SLC25A33: variants seen among roughly 807,000 people sequenced by gnomAD.
SLC25A33 encodes bone marrow stromal cell mitochondrial carrier protein.
SLC25A33 carries 15 observed loss-of-function variants against 35.5 expected under a neutral mutation model. The observed-to-expected ratio is 0.42, with a 90% CI of 0.28 to 0.65. The LOEUF (loss-of-function observed/expected upper bound fraction) is 0.65, where lower values mean the gene tolerates loss of function less well. Ranked by LOEUF, SLC25A33 falls within the 30% of genes least tolerant of loss-of-function variation. SLC25A33 has a pLI of 0.20. For missense variants in SLC25A33, 257 were observed against 398.5 expected (o/e 0.64, Z 3.02); for synonymous variants, 136 against 148.7 (o/e 0.91, Z 0.62).
At chr1:9,549,996 CATATAT>C (rs1314749490) in intron 1 of SLC25A33, among the ~76,000 whole-genome samples, 2 of 72,064 alleles carry the variant, frequency 2.8e-5, no homozygotes, top group African/African-American at 6.8e-5. Context: ...TTTTTCTATA[CATATAT>C]ATATATATAT....
At chr1:9,554,758 A>G (rs1340403164) in intron 2 of SLC25A33, among the ~76,000 whole-genome samples, 1 of 152,182 alleles carries the variant, frequency 6.6e-6, no homozygotes, top group Non-Finnish European at 1.5e-5. Context: ...CTACCTGCCC[A>G]TTTTATTATT....
chr1:9,573,511 T>G, intron 5 of SLC25A33, 99 bp downstream of exon 5: 1 of 961,496 alleles, frequency 1.0e-6, no homozygotes, highest in Non-Finnish European at 1.6e-6. Context: ...TATAGAGATG[T>G]ACCCCCCTCC....
rs1643745804 is a variant in SLC25A33 at position 9,581,622 on chromosome 1, A to G, written c.764-677A>G. ...CAGGTGCCTGTAATCCCAGCTACTC[A>G]GGAGGCTGAGGCAGGAGAATCACTT... is the stretch of plus-strand genomic sequence containing the variant. On this transcript the variant is annotated intron_variant, in intron 6 of 6. Coordinates refer to ENST00000302692, the MANE Select transcript of SLC25A33 (RefSeq NM_032315.3). Among the ~76,000 whole-genome samples the G allele has an allele frequency of 2.0e-5, 3 of 151,672 alleles. 1 individual carries two copies. In the South Asian group the frequency reaches 6.2e-4, roughly 32 times the overall value.
In SLC25A33 at chr1:9,551,413, C is replaced by T. The variant is rs114318484; in HGVS notation, c.57-2213C>T. 8.7e-3 allele frequency among the ~76,000 whole-genome samples: 1,327 copies of T among 152,250 alleles called. 17 individuals carry two copies. Among genetic ancestry groups the T allele is most frequent in the African/African-American group, 0.03 (1,261 of 41,536 alleles). ...AAATAAATAAAATAAAATAATCCCT[C>T]ATGGGGATTTTACTTCATTCGTTAC... On this transcript the variant is annotated intron_variant, in intron 1 of 6. Transcript: ENST00000302692.
intron 3 of SLC25A33, among the ~76,000 whole-genome samples, chr1:9,568,399 A>G (rs1643540596): frequency 6.6e-6 from 1 of 151,874 alleles, no homozygotes; most frequent in South Asian, 2.1e-4. Flanking sequence ...AGCTGAGATC[A>G]TGCCGCTTCA....
intron 1 of SLC25A33, 60 bp downstream of exon 1, chr1:9,539,807 C>T: frequency 7.9e-7 from 1 of 1,264,844 alleles, no homozygotes; most frequent in South Asian, 2.6e-5. Flanking sequence ...GGCCTTCGCC[C>T]CGGGCGCGGC....
intron 6 of SLC25A33, 27 bp downstream of exon 6, chr1:9,580,261 G>C (rs774381676): frequency 6.2e-7 from 1 of 1,603,224 alleles, no homozygotes; most frequent in South Asian, 1.1e-5. Context: ...TTCTTCCAGA[G>C]CAGTAAAACA....
In SLC25A33 at chr1:9,555,537, A is replaced by C. The variant is rs191984019; in HGVS notation, c.236+1732A>C. On this transcript the variant is annotated intron_variant, in intron 2 of 6. Transcript: ENST00000302692. ...TATGAGTCACTGGGGCATTCATGCC[A>C]AATGTGTGCAAAGGTACATCTGAGC... Among the ~76,000 whole-genome samples the C allele has an allele frequency of 7.9e-5, 12 of 152,280 alleles. No individual in the cohort carries two copies. The East Asian group carries it at 2.1e-3, about 27-fold the overall frequency.
chr1:9,540,473 G>A (rs576486577), intron 1 of SLC25A33, among the ~76,000 whole-genome samples: 2 of 152,174 alleles, frequency 1.3e-5, no homozygotes, highest in East Asian at 1.9e-4. Context: ...GCATTTTTAG[G>A]AGGTTGAGTT....
At chr1:9,562,919 C>CTTTTT (rs370570053) in intron 2 of SLC25A33, among the ~76,000 whole-genome samples, 2 of 126,746 alleles carry the variant, frequency 1.6e-5, no homozygotes, top group Non-Finnish European at 3.3e-5. Context: ...AAAATAATAG[C>CTTTTT]TTTTTTTTTT....
chr1:9,579,896 G>A lies in SLC25A33; in HGVS notation c.483-58G>A, dbSNP rs558073271. 170 of 1,557,950 alleles carry A rather than the reference G, an allele frequency of 1.1e-4. 1 individual carries two copies. In the African/African-American group the frequency reaches 2.1e-3, roughly 19 times the overall value. ...CGTACCTGTTCTCCTACTGTGTGATGTCTGTGTTCCACCATGATATGTCTC... is the reference window on the plus strand; with the variant it reads ...CGTACCTGTTCTCCTACTGTGTGATATCTGTGTTCCACCATGATATGTCTC... On this transcript the variant is annotated intron_variant, in intron 5 of 6. Transcript: ENST00000302692.
intron 2 of SLC25A33, among the ~76,000 whole-genome samples, chr1:9,560,919 GT>G (rs1382697486): frequency 1.3e-5 from 2 of 149,870 alleles, no homozygotes; most frequent in African/African-American, 2.5e-5. Flanking sequence ...TTCCAGCAAA[GT>G]TCTTACTATT....
chr1:9,571,591 G>A (rs995465501), intron 4 of SLC25A33, among the ~76,000 whole-genome samples: 1 of 151,524 alleles, frequency 6.6e-6, no homozygotes, highest in African/African-American at 2.4e-5. Flanking sequence ...AGGCTCTTTT[G>A]TATAGAGTTC....
intron 2 of SLC25A33, among the ~76,000 whole-genome samples, chr1:9,559,265 A>G (rs1257507053): frequency 6.6e-6 from 1 of 152,090 alleles, no homozygotes; most frequent in Non-Finnish European, 1.5e-5. Context: ...CACCCCCTCC[A>G]ATGGGACTTC....
intron 1 of SLC25A33, among the ~76,000 whole-genome samples, chr1:9,547,267 A>G (rs917258899): frequency 5.9e-5 from 9 of 152,176 alleles, no homozygotes; most frequent in Non-Finnish European, 1.2e-4. Flanking sequence ...CAGCCTGGCC[A>G]ACATGGTGAA....
chr1:9,549,418 G>T (rs564131944), intron 1 of SLC25A33, among the ~76,000 whole-genome samples: 80 of 107,790 alleles, frequency 7.4e-4, no homozygotes, highest in Non-Finnish European at 8.5e-4. Flanking sequence ...GGGATCAATG[G>T]GGGGGGATGA....
intron 4 of SLC25A33, among the ~76,000 whole-genome samples, chr1:9,570,754 C>G (rs546607564): frequency 1.6e-4 from 22 of 137,246 alleles, no homozygotes; most frequent in Admixed American, 1.1e-3. Flanking sequence ...GTCACCCAGG[C>G]TGGACTGGAG....
At chr1:9,575,439 A>AC (rs1557536728) in intron 5 of SLC25A33, among the ~76,000 whole-genome samples, 1 of 150,788 alleles carries the variant, frequency 6.6e-6, no homozygotes, top group African/African-American at 2.4e-5. Context: ...ACATGGTGAA[A>AC]CCCCGTCTCT....
intron 1 of SLC25A33, among the ~76,000 whole-genome samples, chr1:9,542,498 T>G (rs540319736): frequency 1.3e-5 from 2 of 152,170 alleles, no homozygotes; most frequent in Non-Finnish European, 2.9e-5. Context: ...TATTTTACTT[T>G]CTGTTAGGGA....
Sources: allele counts gnomAD v4.1 joint callset (sites outside exome capture counted in the v4.1 genomes callset), GRCh38; gene constraint gnomAD v4.1.1; transcripts MANE v1.5; gene names NCBI Gene and HGNC (gene_info 2026-07-23, HGNC 2026-07-21).